Variants in MEIS1 observed in about 807,000 individuals in gnomAD.
The protein encoded by MEIS1 is homeobox protein Meis1.
MEIS1 carries 5 observed loss-of-function variants against 50.8 expected under a neutral mutation model. The observed-to-expected ratio is 0.10, with a 90% CI of 0.05 to 0.21. The LOEUF is 0.21. MEIS1 is among the 10% of genes least tolerant of loss of function. The pLI is 1.00. For synonymous variants in MEIS1, 176 were observed against 179.3 expected (o/e 0.98, Z 0.15); for missense variants, 318 against 517.3 (o/e 0.61, Z 3.74).
chr2:66,568,591 CCTCTT>C (rs1675408021), intron 10 of MEIS1, 71 bp from the exon 11 acceptor site: 1 of 1,097,522 alleles, frequency 9.1e-7, no homozygotes, highest in African/African-American at 1.5e-5. Context: ...GGTATGTTCT[CCTCTT>C]AGTCTCTCTT....
chr2:66,507,666 A>G (rs1181927306), intron 7 of MEIS1, among the ~76,000 whole-genome samples: 2 of 152,160 alleles, frequency 1.3e-5, no homozygotes, highest in African/African-American at 4.8e-5. Context: ...AGGAGTTAGT[A>G]GGGAGAGAAA....
At chr2:66,492,689 G>T (rs937636097) in intron 7 of MEIS1, among the ~76,000 whole-genome samples, 1 of 152,168 alleles carries the variant, frequency 6.6e-6, no homozygotes, top group African/African-American at 2.4e-5. Context: ...AGAAGTCCTT[G>T]GTTGTTTGTG....
chr2:66,533,113 T>C (rs1674433489), intron 8 of MEIS1, among the ~76,000 whole-genome samples: 1 of 152,208 alleles, frequency 6.6e-6, no homozygotes, highest in African/African-American at 2.4e-5. Context: ...TCTTGATCTA[T>C]CCTAGCTGGA....
intron 9 of MEIS1, among the ~76,000 whole-genome samples, chr2:66,553,201 G>C (rs1674965783): frequency 6.6e-6 from 1 of 152,168 alleles, no homozygotes; most frequent in South Asian, 2.1e-4. Context: ...TATTAAGCAG[G>C]TGGTTTAACT....
At chr2:66,438,123 TC>T (rs1309955031) in intron 2 of MEIS1, among the ~76,000 whole-genome samples, 160 bp downstream of exon 2, 1 of 152,156 alleles carries the variant, frequency 6.6e-6, no homozygotes, top group Admixed American at 6.5e-5. Flanking sequence ...TGGCCTGCCA[TC>T]CCTGAAGCCC....
chr2:66,484,163 G>T (rs765275194), intron 7 of MEIS1, among the ~76,000 whole-genome samples: 1 of 152,084 alleles, frequency 6.6e-6, no homozygotes, highest in Non-Finnish European at 1.5e-5. Context: ...TTTGATTCTG[G>T]TAAGTTATGG....
intron 7 of MEIS1, among the ~76,000 whole-genome samples, chr2:66,487,174 C>T (rs1443281446): frequency 6.6e-6 from 1 of 152,090 alleles, no homozygotes; most frequent in East Asian, 1.9e-4. Context: ...AAAAATAGGA[C>T]AAGATTTGTG....
At position 66,444,782 on chromosome 2, in the gene MEIS1, A is replaced by C. The variant is rs141017580; in HGVS notation, c.630+1734A>C. On this transcript the variant is annotated intron_variant, in intron 6 of 12. Coordinates refer to ENST00000272369, the MANE Select transcript of MEIS1 (RefSeq NM_002398.3). ...TGTGGAATAAAAATTGCAATCCAAC[A>C]AGCCTAACTGGAAAATGGGATTCTA... Among the ~76,000 whole-genome samples the C allele has an allele frequency of 1.4e-3, 213 of 152,326 alleles. 1 individual carries two copies. Among genetic ancestry groups the C allele is most frequent in the African/African-American group, 4.8e-3 (201 of 41,582 alleles).
At chr2:66,437,493 G>T in intron 1 of MEIS1, 1 of 522,106 alleles carries the variant, frequency 1.9e-6, no homozygotes, top group Non-Finnish European at 3.4e-6. Context: ...TTCTAAACTA[G>T]TTGATAGGGA....
chr2:66,567,805 T>A, intron 10 of MEIS1: 1 of 581,966 alleles, frequency 1.7e-6, no homozygotes, highest in Non-Finnish European at 3.0e-6. Context: ...TTTTTCTGAG[T>A]TTGCCTTCCC....
intron 3 of MEIS1, 58 bp from the exon 4 acceptor site, chr2:66,440,504 A>T (rs1671943622): frequency 6.7e-7 from 1 of 1,492,750 alleles, no homozygotes; most frequent in Non-Finnish European, 9.3e-7. Flanking sequence ...CAGATTTCAA[A>T]TTTTTCTTTC....
At chr2:66,564,464 A>T (rs1300128173) in intron 9 of MEIS1, among the ~76,000 whole-genome samples, 2 of 152,208 alleles carry the variant, frequency 1.3e-5, no homozygotes, top group Admixed American at 1.3e-4. Context: ...GAGGACATAG[A>T]CAAAGATCAG....
intron 2 of MEIS1, 62 bp downstream of exon 2, chr2:66,438,025 C>G (rs906908715): frequency 2.2e-6 from 3 of 1,385,936 alleles, no homozygotes; most frequent in Non-Finnish European, 2.9e-6. Flanking sequence ...TTCTCTGTGC[C>G]CTTGGTAAGA....
intron 10 of MEIS1, 54 bp downstream of exon 10, chr2:66,567,565 AG>A (rs1675378873): frequency 1.3e-6 from 2 of 1,572,970 alleles, no homozygotes; most frequent in Non-Finnish European, 8.7e-7. Context: ...ACCATCCTCA[AG>A]CCATTCACCG....
intron 7 of MEIS1, among the ~76,000 whole-genome samples, chr2:66,477,400 C>T (rs1558532713): frequency 2.0e-5 from 3 of 152,144 alleles, no homozygotes; most frequent in Admixed American, 2.0e-4. Context: ...CTTTCTTTGT[C>T]TTCTTTTGAA....
intron 7 of MEIS1, among the ~76,000 whole-genome samples, chr2:66,489,801 A>G (rs1347378130): frequency 6.6e-6 from 1 of 152,258 alleles, no homozygotes; most frequent in Non-Finnish European, 1.5e-5. Flanking sequence ...ATAAGAAATA[A>G]TGAAGTAAAA....
chr2:66,556,471 G>A lies in MEIS1; in HGVS notation c.965+8452G>A, dbSNP rs140886197. 2.4e-3 allele frequency among the ~76,000 whole-genome samples: 358 copies of A among 146,460 alleles called. 1 individual carries two copies. Among genetic ancestry groups the A allele is most frequent in the African/African-American group, 8.4e-3 (334 of 39,784 alleles). On this transcript the variant is annotated intron_variant, in intron 9 of 12. Coordinates refer to ENST00000272369, the MANE Select transcript of MEIS1 (RefSeq NM_002398.3). ...AATGTCCTGCCTTTGGTGAGATCTG[G>A]CTTAATATTGATAAAGTCACTTTTT...
intron 7 of MEIS1, among the ~76,000 whole-genome samples, chr2:66,478,931 C>T (rs1672956128): frequency 6.6e-6 from 1 of 152,208 alleles, no homozygotes; most frequent in Admixed American, 6.5e-5. Context: ...AGCAAGAGCC[C>T]TCTTGTACTT....
chr2:66,446,201 G>A (rs1573126813), intron 6 of MEIS1, among the ~76,000 whole-genome samples: 2 of 152,202 alleles, frequency 1.3e-5, no homozygotes, highest in Non-Finnish European at 1.5e-5. Context: ...GACCGGAAGC[G>A]GGGCGCGTGT....
Sources: gnomAD v4.1 joint callset for allele counts (sites outside exome capture counted in the v4.1 genomes callset) on GRCh38, gnomAD v4.1.1 for gene constraint, MANE v1.5 for transcripts, NCBI Gene and HGNC (gene_info 2026-07-23, HGNC 2026-07-21) for gene names.